The following CCT8 variants were observed in gnomAD, a reference collection of about 807,000 sequenced individuals.
The protein encoded by CCT8 is T-complex protein 1 subunit theta.
A neutral mutation model predicts 65.7 loss-of-function variants in CCT8; 10 were observed. That is an observed-to-expected ratio of 0.15 (90% confidence interval 0.09 to 0.26). CCT8 has a LOEUF of 0.26. Among genes scored for constraint, CCT8 ranks in the 10% least tolerant of loss-of-function variants. The pLI is 1.00. For synonymous variants in CCT8, 199 were observed against 221.8 expected (o/e 0.90, Z 0.92); for missense variants, 568 against 669.1 (o/e 0.85, Z 1.67).
At chr21:29,057,694 ACATAT>A (rs1032016525) in intron 14 of CCT8, among the ~76,000 whole-genome samples, 1 of 79,794 alleles carries the variant, frequency 1.3e-5, no homozygotes, top group Admixed American at 1.2e-4. Flanking sequence ...CATATATCAT[ACATAT>A]ATCATATATA....
intron 1 of CCT8, among the ~76,000 whole-genome samples, chr21:29,072,796 C>T (rs2085696556): frequency 6.6e-6 from 1 of 152,112 alleles, no homozygotes; most frequent in African/African-American, 2.4e-5. Flanking sequence ...ACTATGCTAC[C>T]GAACTAACGT....
At chr21:29,073,504 A>C (rs1351017623) in intron 1 of CCT8, 27 bp downstream of exon 1, 9 of 1,613,652 alleles carry the variant, frequency 5.6e-6, no homozygotes, top group Non-Finnish European at 7.6e-6. Context: ...TGACGCTCCC[A>C]CCTCATTCCT....
At chr21:29,071,762 GC>G (rs1450494791) in intron 1 of CCT8, among the ~76,000 whole-genome samples, 1 of 152,010 alleles carries the variant, frequency 6.6e-6, no homozygotes, top group African/African-American at 2.4e-5. Flanking sequence ...TGAACTCCTG[GC>G]TTACACTCTT....
At chr21:29,072,278 A>C (rs934487430) in intron 1 of CCT8, 1 of 266,516 alleles carries the variant, frequency 3.8e-6, no homozygotes, top group Non-Finnish European at 7.1e-6. Context: ...CCTTTTATTT[A>C]ATCATTATTT....
chr21:29,063,648 T>C, intron 7 of CCT8, 118 bp from the exon 8 acceptor site: 4 of 877,048 alleles, frequency 4.6e-6, no homozygotes, highest in East Asian at 2.5e-5. Context: ...AAGATATATG[T>C]GCATATATTA....
intron 14 of CCT8, among the ~76,000 whole-genome samples, chr21:29,057,412 G>A (rs572301820): frequency 2.7e-5 from 4 of 150,518 alleles, no homozygotes; most frequent in East Asian, 2.0e-4. Flanking sequence ...TGATCCACCC[G>A]CCTCAGCCTC....
chr21:29,059,834 T>C (rs780156061), intron 14 of CCT8: 9 of 152,318 alleles, frequency 5.9e-5, no homozygotes, highest in Non-Finnish European at 1.0e-4. Context: ...TGAAATGTCT[T>C]TCCACTGATT....
intron 1 of CCT8, chr21:29,071,895 C>T: frequency 1.4e-6 from 1 of 695,902 alleles, no homozygotes; most frequent in East Asian, 2.7e-5. Context: ...AATCCCTTTT[C>T]AAGGAAACAA....
At chr21:29,065,157 G>T (rs367740639) in intron 6 of CCT8, 52 bp from the exon 7 acceptor site, 1 of 1,576,696 alleles carries the variant, frequency 6.3e-7, no homozygotes, top group Non-Finnish European at 8.7e-7. Flanking sequence ...ATAACATTAC[G>T]GTCAAACTGT....
chr21:29,058,376 G>A (rs1226823673), intron 14 of CCT8, among the ~76,000 whole-genome samples: 2 of 151,822 alleles, frequency 1.3e-5, no homozygotes, highest in African/African-American at 2.4e-5. Context: ...GGGAGGTGGC[G>A]GTTGCAGTAA....
intron 11 of CCT8, 37 bp downstream of exon 11, chr21:29,062,091 G>C (rs376554710): frequency 2.8e-5 from 38 of 1,365,592 alleles, no homozygotes; most frequent in Non-Finnish European, 3.7e-5. Context: ...AAATTACTCA[G>C]ACCTTACAAA....
intron 14 of CCT8, among the ~76,000 whole-genome samples, chr21:29,057,756 TGATATGA>T (rs1230685028): frequency 1.1e-5 from 1 of 92,122 alleles, no homozygotes; most frequent in African/African-American, 3.2e-5. Context: ...TGTATATGTA[TGATATGA>T]GATATATATG....
intron 14 of CCT8, 36 bp from the exon 15 acceptor site, chr21:29,056,588 CAACTT>C (rs1445551267): frequency 7.7e-7 from 1 of 1,298,578 alleles, no homozygotes. Flanking sequence ...GTATGCTTAT[CAACTT>C]AACCTTTAGA....
chr21:29,066,030 C>T (rs1298602150), intron 6 of CCT8, among the ~76,000 whole-genome samples: 4 of 146,474 alleles, frequency 2.7e-5, no homozygotes, highest in Admixed American at 7.0e-5. Context: ...TGCAGTGAGC[C>T]GAGGTCGAGG....
At chr21:29,071,257 G>T (rs2085676350) in intron 1 of CCT8, among the ~76,000 whole-genome samples, 1 of 152,170 alleles carries the variant, frequency 6.6e-6, no homozygotes. Flanking sequence ...AGCTACATGT[G>T]GGTAGTGAAT....
chr21:29,060,647 G>T lies in CCT8; in HGVS notation c.1463C>A (p.Ala488Asp), dbSNP rs1477216155. The T allele has an allele frequency of 6.2e-7, 1 of 1,613,316 alleles. No individual in the cohort carries two copies. The highest frequency in any genetic ancestry group is 1.7e-5 in the Admixed American group (1 of 59,902). Residue 488 changes from alanine (A) to aspartate (D), a missense_variant, in exon 14 of 15, where the codon GCT becomes GAT. By Grantham distance (126) the Ala-to-Asp change is moderately radical (BLOSUM62 -2). Coordinates refer to ENST00000286788, the MANE Select transcript of CCT8 (RefSeq NM_006585.4). The part of the protein sequence containing the change: ...VGLDIEAEVP[A>D]VKDMLEAGIL... ...ACCAGCTTCCAGCATGTCCTTTACA[G>T]CAGGGACTTCAGCCTGTCAAACACA...
chr21:29,067,221 G>A, intron 4 of CCT8, 150 bp from the exon 5 acceptor site: 2 of 572,410 alleles, frequency 3.5e-6, no homozygotes, highest in Middle Eastern at 2.9e-4. Context: ...GTTATGAATG[G>A]AGGCTTAGAT....
At position 29,064,990 on chromosome 21, in the gene CCT8, T is replaced by C. The variant is rs1041087387; in HGVS notation, c.740A>G (p.Asp247Gly). The C allele has an allele frequency of 1.9e-6, 3 of 1,613,770 alleles. No homozygotes were observed. Among genetic ancestry groups the C allele is most frequent in the Non-Finnish European group, 2.5e-6 (3 of 1,179,896 alleles). Residue 247 changes from aspartate to glycine, a missense_variant, in exon 7 of 15, where the codon GAT (aspartate) becomes GGT (glycine). Transcript: ENST00000286788. ...AKIAVYSCPF[D>G]GMITETKGTV... ...TACCTTAGTTTCTGTTATCATGCCA[T>C]CAAAAGGACAAGAGTACACTGCTAT...
intron 11 of CCT8, 29 bp downstream of exon 11, chr21:29,062,099 A>C (rs755791046): frequency 4.1e-6 from 6 of 1,453,326 alleles, no homozygotes; most frequent in Non-Finnish European, 5.8e-6. Flanking sequence ...CAGACCTTAC[A>C]AACTACTAAG....
Sources: allele counts gnomAD v4.1 joint callset (sites outside exome capture counted in the v4.1 genomes callset), GRCh38; gene constraint gnomAD v4.1.1; transcripts MANE v1.5; gene names NCBI Gene and HGNC (gene_info 2026-07-23, HGNC 2026-07-21).